The following HMCN1 variants were observed in gnomAD, a reference collection of about 807,000 sequenced individuals.
HMCN1 encodes hemicentin 1.
A neutral mutation model predicts 625.9 loss-of-function variants in HMCN1; 321 were observed. The observed-to-expected ratio is 0.51, with a 90% CI of 0.47 to 0.56. The LOEUF (loss-of-function observed/expected upper bound fraction) is 0.56. HMCN1 is among the 20% of genes least tolerant of loss of function. The probability of loss-of-function intolerance (pLI) is 0.00; values close to 1 mark genes in which losing one functional copy is unlikely to be tolerated. For missense variants in HMCN1, 6,588 were observed against 6,887.3 expected (o/e 0.96, Z 1.54); for synonymous variants, 2,425 against 2,417.6 (o/e 1.00, Z -0.09).
chr1:186,104,462 GATC>G (rs1185355971), intron 69 of HMCN1, among the ~76,000 whole-genome samples: 1 of 152,118 alleles, frequency 6.6e-6, no homozygotes, highest in Non-Finnish European at 1.5e-5. Context: ...CAAATTATTT[GATC>G]ATATTTTGTT....
chr1:185,734,629 C>A lies in HMCN1; in HGVS notation c.-151C>A, dbSNP rs143020055. 1.6e-3 allele frequency: 1,204 copies of A among 733,240 alleles called. 3 individuals carry two copies. Among genetic ancestry groups the A allele is most frequent in the Non-Finnish European group, 2.2e-3 (945 of 423,628 alleles). 45.4% of individuals were successfully genotyped at this position (733,240 alleles called of 1,614,324 possible). A position where few individuals can be genotyped will look rare whatever the true frequency, so the allele number is the denominator to read the frequency against. ...GGGATTCGAGTTTGGTGCTTGTCCC[C>A]GTCTGATTCTCAGCGCCAAACTTTT... On this transcript the variant is annotated 5_prime_UTR_variant, in exon 1 of 107. Coordinates refer to ENST00000271588, the MANE Select transcript of HMCN1 (RefSeq NM_031935.3).
intron 4 of HMCN1, among the ~76,000 whole-genome samples, chr1:185,876,683 A>G (rs901191079): frequency 1.3e-5 from 2 of 151,618 alleles, no homozygotes; most frequent in East Asian, 1.9e-4. Context: ...CATTTTTTTC[A>G]TATGTTTGTT....
At position 186,128,169 on chromosome 1, in the gene HMCN1, C is replaced by T; in HGVS notation, c.12782C>T (p.Thr4261Ile). ...TVSLTVHVLPTFTELPGDVSL... is the reference protein window; with the variant it reads ...TVSLTVHVLPIFTELPGDVSL... ...AGCCTGACTGTGCATGTTCTCCCCACTTTTACTGAACTTCCTGGAGACGTG... is the reference window on the plus strand; with the variant it reads ...AGCCTGACTGTGCATGTTCTCCCCATTTTTACTGAACTTCCTGGAGACGTG... The change falls in exon 83 of 107, where the codon ACT becomes ATT. Residue 4261 changes from threonine (T) to isoleucine (I), a missense_variant. Physicochemically the swap from Thr to Ile is moderately conservative, Grantham distance 89. Transcript: ENST00000271588. The T allele has an allele frequency of 6.2e-7, 1 of 1,613,696 alleles. No homozygotes were observed. The highest frequency in any genetic ancestry group is 1.1e-5 in the South Asian group (1 of 91,068).
At chr1:186,121,264 T>G (rs1661383406) in intron 80 of HMCN1, among the ~76,000 whole-genome samples, 2 of 152,288 alleles carry the variant, frequency 1.3e-5, no homozygotes, top group African/African-American at 2.4e-5. Context: ...TATGTAGATT[T>G]TATTCTCTGT....
intron 83 of HMCN1, 50 bp downstream of exon 83, chr1:186,128,341 C>G (rs374517493): frequency 6.7e-5 from 94 of 1,399,632 alleles, no homozygotes; most frequent in Admixed American, 3.2e-4. Context: ...ATGTAGAACT[C>G]TAGACGAAGC....
chr1:185,763,699 C>G (rs778306979), intron 1 of HMCN1, among the ~76,000 whole-genome samples: 44 of 152,124 alleles, frequency 2.9e-4, no homozygotes, highest in African/African-American at 1.0e-3. Flanking sequence ...TCTCATTTAA[C>G]AGTCGCAATT....
intron 97 of HMCN1, among the ~76,000 whole-genome samples, chr1:186,158,261 G>A (rs1176866571): frequency 2.7e-5 from 4 of 150,684 alleles, no homozygotes; most frequent in Admixed American, 2.0e-4. Flanking sequence ...GTCTGTTCAT[G>A]TCCTTCGCCC....
intron 57 of HMCN1, 108 bp from the exon 58 acceptor site, chr1:186,086,138 T>A (rs1387514397): frequency 1.0e-6 from 1 of 985,312 alleles, no homozygotes; most frequent in East Asian, 2.5e-5. Flanking sequence ...ATGAACAGAA[T>A]CGTTAACTCA....
chr1:185,991,722 A>G (rs1216880351), intron 22 of HMCN1, among the ~76,000 whole-genome samples: 1 of 151,952 alleles, frequency 6.6e-6, no homozygotes. Flanking sequence ...TAAAAAAAAA[A>G]ACAAGGCTTT....
intron 1 of HMCN1, among the ~76,000 whole-genome samples, chr1:185,837,631 A>C (rs981538274): frequency 2.6e-5 from 4 of 151,932 alleles, no homozygotes; most frequent in Admixed American, 1.3e-4. Context: ...TATCGATCTG[A>C]TATATATTCT....
At chr1:185,835,718 A>G (rs1002133003) in intron 1 of HMCN1, among the ~76,000 whole-genome samples, 4 of 152,026 alleles carry the variant, frequency 2.6e-5, no homozygotes, top group African/African-American at 9.7e-5. Context: ...TTACAATTAT[A>G]TTGGATATTT....
intron 1 of HMCN1, among the ~76,000 whole-genome samples, chr1:185,766,503 G>A (rs1655882018): frequency 6.6e-6 from 1 of 152,102 alleles, no homozygotes; most frequent in Non-Finnish European, 1.5e-5. Context: ...TCAGGAAACT[G>A]CACGAGTAGT....
Position 185,878,773 on chromosome 1 carries a change from T to A in HMCN1, c.621+12910T>A, listed in dbSNP as rs545564056. ...ACAGTGTTTGACATTTGGCATGTAC[T>A]CAGTTAATAGTTATTAACTGAATGT... On this transcript the variant is annotated intron_variant, in intron 4 of 106. Transcript: ENST00000271588. Among the ~76,000 whole-genome samples, 15 of 152,360 alleles carry A rather than the reference T, an allele frequency of 9.8e-5. No homozygotes were observed. In the South Asian group the frequency reaches 3.1e-3, roughly 32 times the overall value.
chr1:186,153,998 A>T lies in HMCN1; in HGVS notation c.15256+11A>T. ...CTTCAATATCCAAAGGTAATTTGAT[A>T]AAAGAAAATCCATATCTTTATGCCA... is the stretch of plus-strand genomic sequence containing the variant. On this transcript the variant is annotated intron_variant, in intron 97 of 106. Coordinates refer to ENST00000271588, the MANE Select transcript of HMCN1 (RefSeq NM_031935.3). 1 of 1,600,566 alleles carries T rather than the reference A, an allele frequency of 6.2e-7. No individual in the cohort carries two copies. Among genetic ancestry groups the T allele is most frequent in the Non-Finnish European group, 8.6e-7 (1 of 1,167,764 alleles).
At chr1:185,944,815 C>T (rs1668255293) in intron 11 of HMCN1, among the ~76,000 whole-genome samples, 1 of 152,154 alleles carries the variant, frequency 6.6e-6, no homozygotes, top group Admixed American at 6.5e-5. Flanking sequence ...ACTTAGTACC[C>T]AATATTGCAT....
chr1:186,077,739 A>G (rs529584966), intron 54 of HMCN1, among the ~76,000 whole-genome samples: 1 of 152,320 alleles, frequency 6.6e-6, no homozygotes, highest in South Asian at 2.1e-4. Context: ...TGCTTTCTCA[A>G]ACAAGTACTT....
intron 87 of HMCN1, 90 bp downstream of exon 87, chr1:186,137,027 T>C (rs1372048260): frequency 6.9e-7 from 1 of 1,447,652 alleles, no homozygotes; most frequent in Non-Finnish European, 9.6e-7. Context: ...CCAAGTCTCC[T>C]GTCACCTTAA....
chr1:186,136,519 A>C (rs1407328694), intron 86 of HMCN1, 149 bp from the exon 87 acceptor site: 1 of 722,498 alleles, frequency 1.4e-6, no homozygotes, highest in East Asian at 2.7e-5. Context: ...TATTAATGGC[A>C]ATTATAATCT....
intron 11 of HMCN1, among the ~76,000 whole-genome samples, chr1:185,961,393 G>A (rs564893691): frequency 6.6e-6 from 1 of 152,320 alleles, no homozygotes. Context: ...AAAGCAGACA[G>A]CATGCCTGTT....
Sources: gnomAD v4.1 joint callset for allele counts (sites outside exome capture counted in the v4.1 genomes callset) on GRCh38, gnomAD v4.1.1 for gene constraint, MANE v1.5 for transcripts, NCBI Gene and HGNC (gene_info 2026-07-23, HGNC 2026-07-21) for gene names.